The following CNIH3 variants were observed in gnomAD, a reference collection of about 807,000 sequenced individuals.
The protein encoded by CNIH3 is cornichon family AMPA receptor auxiliary protein 3.
Under a neutral mutation model 24.1 loss-of-function variants are expected in CNIH3, and 14 were observed. The observed-to-expected ratio is 0.58, with a 90% CI of 0.38 to 0.91. The LOEUF is 0.91. CNIH3 is among the 40% of genes least tolerant of loss of function. The pLI, the probability that CNIH3 is intolerant of heterozygous loss-of-function variation, is 0.00. For synonymous variants in CNIH3, 68 were observed against 73.8 expected (o/e 0.92, Z 0.40); for missense variants, 178 against 196.8 (o/e 0.90, Z 0.57).
At chr1:224,563,677 G>T (rs1680469063) in intron 3 of CNIH3, among the ~76,000 whole-genome samples, 1 of 152,174 alleles carries the variant, frequency 6.6e-6, no homozygotes, top group Non-Finnish European at 1.5e-5. Context: ...GTTCAGTACG[G>T]ATGGGACAGA....
intron 3 of CNIH3, among the ~76,000 whole-genome samples, chr1:224,714,147 A>C (rs1174112135): frequency 1.3e-5 from 2 of 152,168 alleles, no homozygotes; most frequent in African/African-American, 4.8e-5. Context: ...TATAACATAG[A>C]GCATTAATAT....
At chr1:224,680,748 C>G (rs1463163580) in intron 1 of CNIH3, among the ~76,000 whole-genome samples, 3 of 152,158 alleles carry the variant, frequency 2.0e-5, no homozygotes, top group Non-Finnish European at 4.4e-5. Context: ...TTACTGGGGA[C>G]AATTTTAAGC....
chr1:224,538,491 T>C (rs564967914), downstream of CNIH3, among the ~76,000 whole-genome samples: 1 of 152,236 alleles, frequency 6.6e-6, no homozygotes, highest in South Asian at 2.1e-4. Flanking sequence ...GGTTGCTATA[T>C]ATACAGGTAG....
rs1674619502 is a variant in CNIH3, at chr1:224,435,590, G to A, written n.203+728G>A. The A allele has an allele frequency of 3.9e-5, 6 of 152,310 alleles. No individual in the cohort carries two copies. The South Asian group carries it at 1.2e-3, about 32-fold the overall frequency. 9.4% of individuals were successfully genotyped at this position (152,310 alleles called of 1,614,324 possible). On this transcript the variant is annotated intron_variant and non_coding_transcript_variant, in intron 1 of 5. Coordinates refer to the CNIH3 transcript ENST00000471578. ...CCTCTTGAGTCACTGCCCAGTTTAG[G>A]GAGCAGTAACATAAACCAAACAGTT...
chr1:224,711,373 T>G (rs1466828272), intron 3 of CNIH3, among the ~76,000 whole-genome samples: 1 of 150,454 alleles, frequency 6.6e-6, no homozygotes, highest in Non-Finnish European at 1.5e-5. Context: ...CAAGCTGGAG[T>G]GTAGTCATGT....
At chr1:224,638,154 A>T (rs1684183806) in intron 1 of CNIH3, among the ~76,000 whole-genome samples, 1 of 152,192 alleles carries the variant, frequency 6.6e-6, no homozygotes, top group African/African-American at 2.4e-5. Flanking sequence ...CATCCTAGAG[A>T]CTGGGTAGGG....
At chr1:224,495,339 A>G (rs1677394859) in intron 1 of CNIH3, among the ~76,000 whole-genome samples, 1 of 152,206 alleles carries the variant, frequency 6.6e-6, no homozygotes, top group Non-Finnish European at 1.5e-5. Context: ...TTGTCAATCC[A>G]ATATGATTTT....
In CNIH3 at chr1:224,734,557, C is replaced by T; in HGVS notation, c.312-6C>T. On this transcript the variant is annotated splice_region_variant and splice_polypyrimidine_tract_variant and intron_variant, in intron 4 of 5. Coordinates refer to ENST00000272133, the MANE Select transcript of CNIH3 (RefSeq NM_152495.2). ...TCAGAGACAATGATGTCCTCTCTCC[C>T]TGCAGGTATTTCCACTGTCCAGCAG... The T allele has an allele frequency of 1.2e-6, 2 of 1,614,008 alleles. No homozygotes were observed. Among genetic ancestry groups the T allele is most frequent in the Non-Finnish European group, 1.7e-6 (2 of 1,179,922 alleles).
intron 1 of CNIH3, among the ~76,000 whole-genome samples, chr1:224,461,388 A>G (rs747116733): frequency 1.3e-5 from 2 of 152,234 alleles, no homozygotes; most frequent in African/African-American, 2.4e-5. Context: ...GTTTATAGCC[A>G]GTATGGCTTT....
At chr1:224,500,679 G>A (rs1478130615) in intron 1 of CNIH3, among the ~76,000 whole-genome samples, 5 of 148,202 alleles carry the variant, frequency 3.4e-5, no homozygotes, top group African/African-American at 7.5e-5. Context: ...AAAAAGCAAA[G>A]AAAAAAAAAA....
intron 3 of CNIH3, among the ~76,000 whole-genome samples, chr1:224,712,808 T>A (rs1013109082): frequency 6.6e-6 from 1 of 152,176 alleles, no homozygotes; most frequent in Non-Finnish European, 1.5e-5. Flanking sequence ...TCTGCCTTAT[T>A]ATGTGGTTGT....
intron 1 of CNIH3, among the ~76,000 whole-genome samples, chr1:224,655,521 A>G (rs917080519): frequency 2.0e-5 from 3 of 152,172 alleles, no homozygotes; most frequent in South Asian, 2.1e-4. Context: ...TTCACAAGTC[A>G]TTGTCGATGT....
At chr1:224,544,642 C>T (rs1000420200) in intron 2 of CNIH3, among the ~76,000 whole-genome samples, 2 of 152,106 alleles carry the variant, frequency 1.3e-5, no homozygotes, top group Non-Finnish European at 2.9e-5. Context: ...TGCACAGAAG[C>T]GAACACCATG....
chr1:224,575,421 CT>C (rs1285725388), intron 4 of CNIH3: 3 of 983,496 alleles, frequency 3.1e-6, no homozygotes, highest in Non-Finnish European at 4.8e-6. Flanking sequence ...CCCAAGTGAC[CT>C]ATACCGTGTT....
chr1:224,677,196 T>TA (rs1686180491), intron 1 of CNIH3, among the ~76,000 whole-genome samples: 1 of 152,158 alleles, frequency 6.6e-6, no homozygotes, highest in Non-Finnish European at 1.5e-5. Flanking sequence ...GATTAAATGA[T>TA]AAAAAGCATG....
At chr1:224,581,958 C>T (rs376345797) in intron 4 of CNIH3, among the ~76,000 whole-genome samples, 2 of 152,128 alleles carry the variant, frequency 1.3e-5, no homozygotes, top group African/African-American at 4.8e-5. Flanking sequence ...TGGAATCAGA[C>T]TGAGTGTGCG....
intron 4 of CNIH3, among the ~76,000 whole-genome samples, chr1:224,569,637 T>C (rs2124998065): frequency 6.6e-6 from 1 of 152,306 alleles, no homozygotes; most frequent in East Asian, 1.9e-4. Context: ...GTTGACACTC[T>C]CACCAGCAGT....
intron 1 of CNIH3, among the ~76,000 whole-genome samples, chr1:224,488,276 A>G (rs939930043): frequency 5.9e-5 from 9 of 152,068 alleles, no homozygotes; most frequent in Non-Finnish European, 1.2e-4. Context: ...TGGTACTCCA[A>G]TTGTACTTAC....
intron 1 of CNIH3, among the ~76,000 whole-genome samples, chr1:224,679,729 C>G (rs1177880597): frequency 6.6e-6 from 1 of 152,196 alleles, no homozygotes; most frequent in Non-Finnish European, 1.5e-5. Context: ...ATTCTACTTG[C>G]TTTGTAGAGG....
Sources: gnomAD v4.1 joint callset for allele counts (sites outside exome capture counted in the v4.1 genomes callset) on GRCh38, gnomAD v4.1.1 for gene constraint, MANE v1.5 for transcripts, NCBI Gene and HGNC (gene_info 2026-07-23, HGNC 2026-07-21) for gene names.